The following TAFA5 variants were observed in gnomAD, a reference collection of about 807,000 sequenced individuals.
TAFA5 encodes the protein TAFA chemokine like family member 5.
In TAFA5, 6 loss-of-function variants were observed where a neutral mutation model predicts 15.3. The observed-to-expected ratio is 0.39, with a 90% CI of 0.21 to 0.77. The LOEUF (loss-of-function observed/expected upper bound fraction) is 0.77. Ranked by LOEUF, TAFA5 falls within the 30% of genes least tolerant of loss-of-function variation. The pLI is 0.41. For synonymous variants in TAFA5, 103 were observed against 80.7 expected (o/e 1.28, Z -1.48); for missense variants, 161 against 193.1 (o/e 0.83, Z 0.98).
intron 1 of TAFA5, among the ~76,000 whole-genome samples, chr22:48,571,712 C>T (rs1273480318): frequency 6.8e-6 from 1 of 146,542 alleles, no homozygotes; most frequent in Non-Finnish European, 1.5e-5. Context: ...TGAAGATGTG[C>T]ATTTATTTAT....
intron 1 of TAFA5, among the ~76,000 whole-genome samples, chr22:48,503,875 G>A (rs542701971): frequency 2.0e-5 from 3 of 152,286 alleles, no homozygotes; most frequent in East Asian, 3.9e-4. Flanking sequence ...CTGGGAAGGA[G>A]CCCATCCCCA....
intron 1 of TAFA5, chr22:48,576,246 C>G (rs1923790140): frequency 4.2e-6 from 2 of 474,196 alleles, no homozygotes; most frequent in African/African-American, 2.1e-5. Flanking sequence ...CCTCCCCGCC[C>G]CCGCCCGCCC....
chr22:48,600,567 C>T lies in TAFA5; in HGVS notation c.113-46030C>T, dbSNP rs532343664. 1.6e-4 allele frequency among the ~76,000 whole-genome samples: 25 copies of T among 152,128 alleles called. 1 individual carries two copies. Among genetic ancestry groups the T allele is most frequent in the African/African-American group, 5.8e-4 (24 of 41,482 alleles). ...TTGCGTGTGTCTGTACGTGTGATTT[C>T]GTGTGTGTGTGCATCTTCGTTGGCG... On this transcript the variant is annotated intron_variant, in intron 1 of 3. Transcript: ENST00000402357.
At chr22:48,538,253 G>A (rs1922239185) in intron 1 of TAFA5, among the ~76,000 whole-genome samples, 2 of 152,164 alleles carry the variant, frequency 1.3e-5, no homozygotes, top group South Asian at 4.1e-4. Flanking sequence ...GGCGGGGATG[G>A]GAGATGGGAC....
chr22:48,528,822 G>A lies in TAFA5; in HGVS notation c.112+39118G>A, dbSNP rs79663547. On this transcript the variant is annotated intron_variant, in intron 1 of 3. Coordinates refer to ENST00000402357, the MANE Select transcript of TAFA5 (RefSeq NM_001082967.3). ...CCAGGAGCACTGGGGGAGAAGCTGG[G>A]GGTCTGTGGAGCCCCTGACCTGCCT... 0.018 allele frequency among the ~76,000 whole-genome samples: 2,783 copies of A among 152,310 alleles called. 134 individuals carry two copies. In the East Asian group the frequency reaches 0.19, roughly 10 times the overall value.
At chr22:48,508,474 T>TGAG (rs1921090841) in intron 1 of TAFA5, among the ~76,000 whole-genome samples, 1 of 151,976 alleles carries the variant, frequency 6.6e-6, no homozygotes, top group Non-Finnish European at 1.5e-5. Context: ...CGGCGCCATA[T>TGAG]GAGGAGGAGG....
chr22:48,599,308 CCG>C lies in TAFA5; in HGVS notation c.113-47287_113-47286del, dbSNP rs1924878239. ...ACTCCCTAGGGCCCTGGCCTTCAGT[CCG>C]CTCCGTAACACGCAGAAGACACTTT... On this transcript the variant is annotated intron_variant, in intron 1 of 3. Transcript: ENST00000402357. Among the ~76,000 whole-genome samples the C allele has an allele frequency of 2.6e-5, 4 of 152,330 alleles. No individual in the cohort carries two copies. The South Asian group carries it at 8.3e-4, about 32-fold the overall frequency.
At chr22:48,509,627 T>C (rs1310028659) in intron 1 of TAFA5, among the ~76,000 whole-genome samples, 1 of 152,198 alleles carries the variant, frequency 6.6e-6, no homozygotes, top group East Asian at 1.9e-4. Context: ...CAACAAATGA[T>C]GCCAGAAAAC....
intron 1 of TAFA5, among the ~76,000 whole-genome samples, chr22:48,597,322 A>G (rs1273876879): frequency 2.8e-5 from 4 of 143,898 alleles, no homozygotes; most frequent in East Asian, 2.1e-4. Context: ...CGGCTGGCTC[A>G]TATGCAGAGT....
chr22:48,542,425 ATGTG>A (rs1468259784), intron 1 of TAFA5, among the ~76,000 whole-genome samples: 1 of 48,858 alleles, frequency 2.0e-5, no homozygotes, highest in Non-Finnish European at 3.7e-5. Context: ...TGTGGTGTGT[ATGTG>A]TGTGGTGTGT....
chr22:48,608,073 AGCCAGCCCCTCCCACGGCCCCAGGCT>A (rs1425493124), intron 1 of TAFA5, among the ~76,000 whole-genome samples: 9 of 144,630 alleles, frequency 6.2e-5, no homozygotes, highest in Non-Finnish European at 9.1e-5. Flanking sequence ...TGAGGCAGTG[AGCCAGCCCCTCCCACGGCCCCAGGCT>A]GCCAGCCCCT....
chr22:48,590,002 TG>T (rs1924504688), intron 1 of TAFA5, among the ~76,000 whole-genome samples: 1 of 151,542 alleles, frequency 6.6e-6, no homozygotes, highest in Non-Finnish European at 1.5e-5. Flanking sequence ...TGTGTGTGTG[TG>T]TGTGTGTGTC....
At chr22:48,500,649 G>A (rs1256402304) in intron 1 of TAFA5, among the ~76,000 whole-genome samples, 3 of 152,246 alleles carry the variant, frequency 2.0e-5, no homozygotes, top group Non-Finnish European at 2.9e-5. Context: ...TACTTAGCAG[G>A]CCTGACTTGC....
rs773696743 is a variant in TAFA5, at chr22:48,598,701, C to T, written c.113-47896C>T. Among the ~76,000 whole-genome samples, 1 of 152,100 alleles carries T rather than the reference C, an allele frequency of 6.6e-6. No homozygotes were observed. Among genetic ancestry groups the T allele is most frequent in the Non-Finnish European group, 1.5e-5 (1 of 68,014 alleles). ...ATATCTGGCCATTTAATTAAATTGT[C>T]CTCCAATTTAATTCGGTTCTCAGAC... On this transcript the variant is annotated intron_variant, in intron 1 of 3. Transcript: ENST00000402357. The surrounding 1 kb of genome is among the most constrained non-coding windows in gnomAD (Gnocchi z 4.0).
rs929796535 is a variant in TAFA5, at chr22:48,521,336, C to T, written c.112+31632C>T. Among the ~76,000 whole-genome samples, 10 of 152,278 alleles carry T rather than the reference C, an allele frequency of 6.6e-5. No individual in the cohort carries two copies. The East Asian group carries it at 1.2e-3, about 18-fold the overall frequency. On this transcript the variant is annotated intron_variant, in intron 1 of 3. Transcript: ENST00000402357. ...GTGAGGAGTGGAAGGTTCCAGATCACGGCCCAGGGACCCCTGGCGTTCAGT... is the reference window on the plus strand; with the variant it reads ...GTGAGGAGTGGAAGGTTCCAGATCATGGCCCAGGGACCCCTGGCGTTCAGT...
chr22:48,573,292 G>A (rs1923651021), intron 1 of TAFA5, among the ~76,000 whole-genome samples: 2 of 152,236 alleles, frequency 1.3e-5, no homozygotes, highest in South Asian at 4.1e-4. Flanking sequence ...TCCAGAGACT[G>A]GGCCCAGGAC....
At chr22:48,693,749 C>G (rs1212575265) in intron 2 of TAFA5, among the ~76,000 whole-genome samples, 1 of 152,180 alleles carries the variant, frequency 6.6e-6, no homozygotes, top group Non-Finnish European at 1.5e-5. Flanking sequence ...CTGAGGGCCT[C>G]CCCCAACCCT....
At chr22:48,693,114 T>A (rs748863355) in intron 2 of TAFA5, 116 of 631,966 alleles carry the variant, frequency 1.8e-4, no homozygotes, top group Non-Finnish European at 2.9e-4. Flanking sequence ...CCCACTCGGA[T>A]TCCCAGTAGC....
intron 2 of TAFA5, among the ~76,000 whole-genome samples, chr22:48,648,753 G>A (rs567429000): frequency 2.8e-4 from 42 of 152,280 alleles, no homozygotes; most frequent in African/African-American, 9.6e-4. Context: ...GTTTGAACCC[G>A]GGAGGCGGAG....
Sources: allele counts gnomAD v4.1 joint callset (sites outside exome capture counted in the v4.1 genomes callset), GRCh38; gene constraint gnomAD v4.1.1; non-coding constraint Gnocchi (gnomAD v3.1); transcripts MANE v1.5; gene names NCBI Gene and HGNC (gene_info 2026-07-23, HGNC 2026-07-21).